Variants in IL31RA observed in about 807,000 individuals in gnomAD.
The protein encoded by IL31RA is interleukin 31 receptor A, also known as interleukin-31 receptor subunit alpha.
IL31RA carries 66 observed loss-of-function variants against 83.7 expected under a neutral mutation model. The observed-to-expected ratio is 0.79, with a 90% CI of 0.65 to 0.97. The LOEUF (loss-of-function observed/expected upper bound fraction) is 0.97, where lower values mean the gene tolerates loss of function less well. Among genes scored for constraint, IL31RA ranks in the 50% least tolerant of loss-of-function variants. The pLI is 0.00. For synonymous variants in IL31RA, 325 were observed against 329.0 expected (o/e 0.99, Z 0.13); for missense variants, 798 against 919.4 (o/e 0.87, Z 1.71).
intron 8 of IL31RA, among the ~76,000 whole-genome samples, chr5:55,904,931 C>G (rs1329370476): frequency 6.7e-6 from 1 of 149,892 alleles, no homozygotes; most frequent in Non-Finnish European, 1.5e-5. Context: ...CGTGGTGGCT[C>G]GTGCCTGTAA....
chr5:55,884,810 A>G (rs996386803), intron 5 of IL31RA, among the ~76,000 whole-genome samples: 42 of 152,236 alleles, frequency 2.8e-4, no homozygotes, highest in South Asian at 8.3e-4. Flanking sequence ...TACCTCTACT[A>G]TCTTATCATT....
At chr5:55,901,827 C>T (rs998250796) in intron 8 of IL31RA, among the ~76,000 whole-genome samples, 1 of 151,848 alleles carries the variant, frequency 6.6e-6, no homozygotes, top group Non-Finnish European at 1.5e-5. Context: ...GTTGGTCAGG[C>T]TGGTCTCGAA....
the IL31RA span, among the ~76,000 whole-genome samples, chr5:55,840,787 G>A: frequency 6.6e-6 from 1 of 152,098 alleles, no homozygotes; most frequent in African/African-American, 2.4e-5. Context: ...AACTTTGCAG[G>A]CAAAATTAAA....
At chr5:55,895,060 A>G (rs889616963) in intron 6 of IL31RA, among the ~76,000 whole-genome samples, 1 of 152,192 alleles carries the variant, frequency 6.6e-6, no homozygotes, top group African/African-American at 2.4e-5. Flanking sequence ...AGTTTAAAAG[A>G]TCCCTGAAGA....
intron 11 of IL31RA, among the ~76,000 whole-genome samples, chr5:55,909,649 T>A (rs1176789038): frequency 2.0e-5 from 3 of 152,188 alleles, no homozygotes; most frequent in Non-Finnish European, 4.4e-5. Context: ...GACTTGCATT[T>A]CCCTACTGAC....
At chr5:55,873,027 C>T (rs985283347) in intron 4 of IL31RA, among the ~76,000 whole-genome samples, 1 of 152,000 alleles carries the variant, frequency 6.6e-6, no homozygotes, top group African/African-American at 2.4e-5. Context: ...ATTTTTATTG[C>T]CCTCAAAAGA....
intron 6 of IL31RA, among the ~76,000 whole-genome samples, chr5:55,893,897 C>T (rs969446291): frequency 3.3e-5 from 5 of 150,924 alleles, no homozygotes; most frequent in East Asian, 2.0e-4. Context: ...CTGCAGCCTC[C>T]GCCTCCCAGG....
chr5:55,864,130 T>C (rs1249896809), intron 2 of IL31RA, among the ~76,000 whole-genome samples: 1 of 152,156 alleles, frequency 6.6e-6, no homozygotes. Flanking sequence ...GGGAAAGGCT[T>C]CTTGTTTCCT....
intron 2 of IL31RA, among the ~76,000 whole-genome samples, chr5:55,866,905 C>T (rs1038564493): frequency 2.8e-4 from 42 of 152,252 alleles, no homozygotes; most frequent in Admixed American, 1.8e-3. Context: ...TCCTAGGAAG[C>T]GCTAGACCTT....
Position 55,914,830 on chromosome 5 carries a change from A to C in IL31RA, c.1737-17A>C, listed in dbSNP as rs541796103. The C allele has an allele frequency of 6.3e-7, 1 of 1,587,042 alleles. No individual in the cohort carries two copies. The highest frequency in any genetic ancestry group is 8.7e-7 in the Non-Finnish European group (1 of 1,155,022). Reference sequence around the variant, plus strand: ...TCTTGGATTCAATTCCCATCTTAAAATCTTCTCTCTCATTAGCAAATTGAC... The same window carrying C: ...TCTTGGATTCAATTCCCATCTTAAACTCTTCTCTCTCATTAGCAAATTGAC... On this transcript the variant is annotated splice_polypyrimidine_tract_variant and intron_variant, in intron 13 of 14. Transcript: ENST00000652347.
chr5:55,873,930 CT>C (rs1372770865), intron 4 of IL31RA, among the ~76,000 whole-genome samples: 3 of 151,898 alleles, frequency 2.0e-5, no homozygotes, highest in Non-Finnish European at 4.4e-5. Flanking sequence ...ATTGTTTGTA[CT>C]TTAGGTGTCA....
Position 55,913,490 on chromosome 5 carries a change from T to A in IL31RA, c.1656T>A (p.Ile552=). ...TGTTTTTCAAAGGTGTCTTTGAGAT[T>A]ATCCTCATAACTTCTCTGATTGGTG... ...FKTLSFSVFE[I]ILITSLIGGG... is the part of the protein sequence containing the mutation. The change falls in exon 13 of 15, where the codon ATT becomes ATA. Residue 552 remains isoleucine (I), a synonymous_variant. Transcript: ENST00000652347. 6.2e-7 allele frequency: 1 copy of A among 1,611,168 alleles called. No homozygotes were observed. The highest frequency in any genetic ancestry group is 8.5e-7 in the Non-Finnish European group (1 of 1,177,306).
In IL31RA at chr5:55,872,447, C is replaced by T. The variant is rs761916445; in HGVS notation, c.450C>T (p.Asn150=). 1 of 1,590,130 alleles carries T rather than the reference C, an allele frequency of 6.3e-7. No individual in the cohort carries two copies. The highest frequency in any genetic ancestry group is 8.6e-7 in the Non-Finnish European group (1 of 1,159,014). The change falls in exon 4 of 15, where the codon AAC becomes AAT. Residue 150 remains asparagine (N), a synonymous_variant. Coordinates refer to ENST00000652347, the MANE Select transcript of IL31RA (RefSeq NM_139017.7). ...KSHMTYWRLE[N]IAKTEPPKIF... is the part of the protein sequence containing the mutation. ...ATATGACATACTGGAGATTAGAGAA[C>T]ATAGGTAAGTGTTATTTGATACTCT...
chr5:55,899,193 T>A (rs1239320385), intron 7 of IL31RA, among the ~76,000 whole-genome samples: 1 of 152,220 alleles, frequency 6.6e-6, no homozygotes, highest in Non-Finnish European at 1.5e-5. Context: ...GTCCCACTTA[T>A]AAGTCCTGGA....
chr5:55,916,706 A>G lies in IL31RA; in HGVS notation c.1881A>G (p.Pro627=), dbSNP rs1749804445. The change falls in exon 15 of 15, where the codon CCA becomes CCG. Residue 627 remains proline (P), a synonymous_variant. Coordinates refer to ENST00000652347, the MANE Select transcript of IL31RA (RefSeq NM_139017.7). ...ACACAGAAGACAGGATCTTAAAACC[A>G]TGTTCCACCCCCAGTGACAAGTTGG... ...SVNTEDRILK[P]CSTPSDKLVI... The G allele has an allele frequency of 2.5e-6, 4 of 1,614,210 alleles. No individual in the cohort carries two copies. The highest frequency in any genetic ancestry group is 3.4e-6 in the Non-Finnish European group (4 of 1,180,022).
At chr5:55,850,614 C>T (rs1446369536), upstream of IL31RA, among the ~76,000 whole-genome samples, 1 of 152,114 alleles carries the variant, frequency 6.6e-6, no homozygotes, top group African/African-American at 2.4e-5. Context: ...TTTTTCCCCC[C>T]ATCTGCTGTT....
chr5:55,904,653 T>C (rs1377859705), intron 8 of IL31RA, among the ~76,000 whole-genome samples: 2 of 152,124 alleles, frequency 1.3e-5, no homozygotes, highest in East Asian at 3.9e-4. Context: ...CTGGAGTGTC[T>C]CATAAGGACC....
chr5:55,906,615 G>C (rs932907511), intron 9 of IL31RA, among the ~76,000 whole-genome samples: 2 of 152,114 alleles, frequency 1.3e-5, no homozygotes, highest in African/African-American at 4.8e-5. Flanking sequence ...GCCTACCTAG[G>C]ATATTTTCTT....
chr5:55,896,354 A>C lies in IL31RA; in HGVS notation c.777A>C (p.Pro259=), dbSNP rs113369999. The change falls in exon 7 of 15, where the codon CCA becomes CCC. Residue 259 remains proline (P), a synonymous_variant. Coordinates refer to ENST00000652347, the MANE Select transcript of IL31RA (RefSeq NM_139017.7). ...CCTCATTCTTGTTCCTTACAGCTCC[A>C]TGTGGCCTGGAACTGTGGAGAGTCC... ...EKMGMTEEEA[P]CGLELWRVLK... is the part of the protein sequence containing the mutation. The C allele has an allele frequency of 1.9e-6, 3 of 1,611,374 alleles. No individual in the cohort carries two copies. Among genetic ancestry groups the C allele is most frequent in the South Asian group, 2.2e-5 (2 of 91,010 alleles).
Sources: allele counts gnomAD v4.1 joint callset (sites outside exome capture counted in the v4.1 genomes callset), GRCh38; gene constraint gnomAD v4.1.1; transcripts MANE v1.5; gene names NCBI Gene and HGNC (gene_info 2026-07-23, HGNC 2026-07-21).